Variants in SLC9A9 observed in about 807,000 individuals in gnomAD.
SLC9A9 encodes solute carrier family 9 member A9.
A neutral mutation model predicts 77.8 loss-of-function variants in SLC9A9; 62 were observed. The ratio of observed to expected loss-of-function variants is 0.80; its 90% CI spans 0.65 to 0.98. The LOEUF is 0.98. Among genes scored for constraint, SLC9A9 ranks in the 50% least tolerant of loss-of-function variants. The pLI, the probability that SLC9A9 is intolerant of heterozygous loss-of-function variation, is 0.00. For missense variants in SLC9A9, 775 were observed against 774.9 expected, an observed-to-expected ratio of 1.00 and a Z score of 0.00; for synonymous variants, 320 against 283.5, an observed-to-expected ratio of 1.13 and a Z score of -1.29.
intron 14 of SLC9A9, among the ~76,000 whole-genome samples, chr3:143,343,824 G>A (rs1464413026): frequency 6.6e-6 from 1 of 152,144 alleles, no homozygotes; most frequent in Non-Finnish European, 1.5e-5. Flanking sequence ...CCTCAACAAT[G>A]TACTGAGCTG....
At chr3:143,725,727 G>A (rs1241850471) in intron 4 of SLC9A9, among the ~76,000 whole-genome samples, 2 of 137,090 alleles carry the variant, frequency 1.5e-5, no homozygotes, top group African/African-American at 2.7e-5. Context: ...CACACTCTGG[G>A]GACTGTTGTG....
At chr3:143,801,582 G>A (rs2008561710) in intron 2 of SLC9A9, among the ~76,000 whole-genome samples, 1 of 151,992 alleles carries the variant, frequency 6.6e-6, no homozygotes, top group South Asian at 2.1e-4. Context: ...TGATCCACCT[G>A]ACATACACCC....
intron 11 of SLC9A9, among the ~76,000 whole-genome samples, chr3:143,480,427 G>A (rs2035553857): frequency 6.6e-6 from 1 of 152,170 alleles, no homozygotes. Flanking sequence ...CAATTCATAT[G>A]GGTCTACTAT....
chr3:143,661,400 C>T (rs1396091954), intron 5 of SLC9A9, among the ~76,000 whole-genome samples: 2 of 152,108 alleles, frequency 1.3e-5, no homozygotes, highest in South Asian at 4.1e-4. Flanking sequence ...TCTGTGAGGA[C>T]ACAGCCTTCC....
intron 14 of SLC9A9, among the ~76,000 whole-genome samples, chr3:143,359,521 G>T (rs1201656043): frequency 6.6e-6 from 1 of 152,188 alleles, no homozygotes; most frequent in East Asian, 1.9e-4. Flanking sequence ...TGAGAGAAGA[G>T]CCAGTGCAAG....
chr3:143,551,791 T>C (rs1262196565), intron 9 of SLC9A9, among the ~76,000 whole-genome samples: 1 of 152,196 alleles, frequency 6.6e-6, no homozygotes, highest in African/African-American at 2.4e-5. Context: ...CCATAAACTA[T>C]CTGTTCTTGT....
At chr3:143,671,112 T>A (rs2039148054) in intron 5 of SLC9A9, among the ~76,000 whole-genome samples, 1 of 152,202 alleles carries the variant, frequency 6.6e-6, no homozygotes, top group African/African-American at 2.4e-5. Context: ...GCTGTGGTGA[T>A]GATCAAATTA....
At chr3:143,587,566 G>T (rs1472394894) in intron 6 of SLC9A9, among the ~76,000 whole-genome samples, 1 of 152,252 alleles carries the variant, frequency 6.6e-6, no homozygotes, top group African/African-American at 2.4e-5. Flanking sequence ...GTGGGAGTCA[G>T]GCTGGAGTCA....
At chr3:143,640,019 C>CTTTTTTTTTTTTTT (rs10575577) in intron 6 of SLC9A9, among the ~76,000 whole-genome samples, 46 of 124,128 alleles carry the variant, frequency 3.7e-4, no homozygotes, top group South Asian at 5.2e-4. Context: ...CTTTTTTTTT[C>CTTTTTTTTTTTTTT]TTTTTTTTTT....
chr3:143,546,504 T>C (rs1283979220), intron 9 of SLC9A9, among the ~76,000 whole-genome samples: 1 of 152,226 alleles, frequency 6.6e-6, no homozygotes, highest in African/African-American at 2.4e-5. Context: ...TCAAATACTA[T>C]ATAAAGTAAA....
intron 9 of SLC9A9, among the ~76,000 whole-genome samples, chr3:143,521,837 T>G (rs1353370101): frequency 6.6e-6 from 1 of 152,112 alleles, no homozygotes; most frequent in Non-Finnish European, 1.5e-5. Context: ...ATATGCAAAC[T>G]TTATAATCTT....
intron 6 of SLC9A9, among the ~76,000 whole-genome samples, chr3:143,588,866 C>T (rs1456238610): frequency 6.6e-6 from 1 of 152,110 alleles, no homozygotes; most frequent in East Asian, 1.9e-4. Context: ...ATTCTCATGG[C>T]CTAATGGGAA....
chr3:143,421,387 C>A (rs551043600), intron 12 of SLC9A9, among the ~76,000 whole-genome samples: 81 of 152,270 alleles, frequency 5.3e-4, no homozygotes, highest in Non-Finnish European at 8.8e-4. Flanking sequence ...GTAAGCAAAA[C>A]AGCGTTGTAC....
chr3:143,710,460 T>C (rs1934111565), intron 4 of SLC9A9, among the ~76,000 whole-genome samples: 4 of 152,218 alleles, frequency 2.6e-5, no homozygotes, highest in Admixed American at 6.5e-5. Flanking sequence ...TAGAGGCTTA[T>C]TCACAACCCC....
At chr3:143,386,379 T>G (rs575949470) in intron 12 of SLC9A9, among the ~76,000 whole-genome samples, 3 of 152,326 alleles carry the variant, frequency 2.0e-5, no homozygotes, top group South Asian at 4.1e-4. Flanking sequence ...GAAACCCAGA[T>G]GTCAAGAGAG....
At chr3:143,539,011 C>G (rs531374344) in intron 9 of SLC9A9, among the ~76,000 whole-genome samples, 1 of 152,196 alleles carries the variant, frequency 6.6e-6, no homozygotes, top group South Asian at 2.1e-4. Flanking sequence ...ACAGCACAAA[C>G]AAGGAAAAGA....
At chr3:143,536,529 C>T (rs1235632850) in intron 9 of SLC9A9, among the ~76,000 whole-genome samples, 2 of 152,164 alleles carry the variant, frequency 1.3e-5, no homozygotes, top group Non-Finnish European at 2.9e-5. Context: ...TTACATGCTG[C>T]GATTACTACA....
At chr3:143,627,511 T>A in intron 6 of SLC9A9, 1 of 285,162 alleles carries the variant, frequency 3.5e-6, no homozygotes, top group Non-Finnish European at 6.9e-6. Flanking sequence ...ACAGACACAG[T>A]ATGCCACATG....
chr3:143,817,145 AT>A (rs61053850), intron 2 of SLC9A9, among the ~76,000 whole-genome samples: 76,030 of 111,426 alleles, frequency 0.68, 27,036 homozygotes, highest in Middle Eastern at 0.86. Flanking sequence ...TTTTTTTTTT[AT>A]TTTTTTTTTT....
Sources: gnomAD v4.1 joint callset for allele counts (sites outside exome capture counted in the v4.1 genomes callset) on GRCh38, gnomAD v4.1.1 for gene constraint, MANE v1.5 for transcripts, NCBI Gene and HGNC (gene_info 2026-07-23, HGNC 2026-07-21) for gene names.